XRCC4: variants seen among roughly 807,000 people sequenced by gnomAD.
The protein encoded by XRCC4 is DNA repair protein XRCC4.
In XRCC4, 28 loss-of-function variants were observed where a neutral mutation model predicts 39.1. The ratio of observed to expected loss-of-function variants is 0.72; its 90% CI spans 0.53 to 0.98. The LOEUF (loss-of-function observed/expected upper bound fraction) is 0.98, where lower values mean the gene tolerates loss of function less well. Among genes scored for constraint, XRCC4 ranks in the 50% least tolerant of loss-of-function variants. The probability of loss-of-function intolerance (pLI) is 0.00; values close to 1 mark genes in which losing one functional copy is unlikely to be tolerated. For missense variants in XRCC4, 350 were observed against 376.4 expected (o/e 0.93, Z 0.58); for synonymous variants, 123 against 126.4 (o/e 0.97, Z 0.18).
chr5:83,322,540 C>T (rs563568025), intron 7 of XRCC4, among the ~76,000 whole-genome samples: 4 of 152,096 alleles, frequency 2.6e-5, no homozygotes, highest in African/African-American at 4.8e-5. Flanking sequence ...GTGGAACATG[C>T]GAATGTTATC....
At chr5:83,194,941 T>G (rs1479886382) in intron 3 of XRCC4, among the ~76,000 whole-genome samples, 2 of 152,186 alleles carry the variant, frequency 1.3e-5, no homozygotes, top group African/African-American at 4.8e-5. Flanking sequence ...AGTTTATATT[T>G]TTGCTACACT....
At chr5:83,133,940 C>A (rs888993218) in intron 3 of XRCC4, among the ~76,000 whole-genome samples, 1 of 152,142 alleles carries the variant, frequency 6.6e-6, no homozygotes, top group Non-Finnish European at 1.5e-5. Flanking sequence ...GCTGGCGGGG[C>A]AGTGTGAAGA....
intron 6 of XRCC4, among the ~76,000 whole-genome samples, chr5:83,214,331 TAATA>T (rs775322130): frequency 7.9e-5 from 12 of 152,322 alleles, no homozygotes; most frequent in Admixed American, 4.6e-4. Flanking sequence ...CTCTTAGAGC[TAATA>T]AATTGACTCC....
intron 6 of XRCC4, among the ~76,000 whole-genome samples, chr5:83,252,367 CAGTCAT>C (rs1444019730): frequency 6.6e-6 from 1 of 151,758 alleles, no homozygotes; most frequent in Non-Finnish European, 1.5e-5. Context: ...CAGCCAAAAG[CAGTCAT>C]AGTAGACTGA....
rs571334558 is a variant in XRCC4, at chr5:83,158,621, A to C, written c.316-37149A>C. Among the ~76,000 whole-genome samples, 493 of 152,254 alleles carry C rather than the reference A, an allele frequency of 3.2e-3. 3 individuals carry two copies. The highest frequency in any genetic ancestry group is 5.1e-3 in the Non-Finnish European group (346 of 67,968). On this transcript the variant is annotated intron_variant, in intron 3 of 7. Transcript: ENST00000396027. ...TTCATGAATAGACAAAGACAATTTG[A>C]GGTTAGGCTTTCAAGATTCATAATA... is the stretch of plus-strand genomic sequence containing the variant.
chr5:83,331,405 G>A (rs1200292407), intron 7 of XRCC4, among the ~76,000 whole-genome samples: 1 of 152,044 alleles, frequency 6.6e-6, no homozygotes, highest in Admixed American at 6.6e-5. Context: ...TATGGTATTG[G>A]AGAGGAATTG....
intron 7 of XRCC4, among the ~76,000 whole-genome samples, chr5:83,325,222 C>T (rs1756211394): frequency 6.6e-6 from 1 of 151,972 alleles, no homozygotes; most frequent in Admixed American, 6.6e-5. Context: ...TCTCTTACTA[C>T]TTATAGGCAA....
chr5:83,371,847 C>T, the XRCC4 span, among the ~76,000 whole-genome samples: 1 of 152,154 alleles, frequency 6.6e-6, no homozygotes, highest in East Asian at 1.9e-4. Flanking sequence ...ACCAAAAAGG[C>T]AGACACACAC....
chr5:83,353,246 T>C lies in XRCC4; in HGVS notation c.*4T>C, dbSNP rs370493476. 1.7e-4 allele frequency: 263 copies of C among 1,574,832 alleles called. No individual in the cohort carries two copies. The highest frequency in any genetic ancestry group is 6.7e-4 in the Middle Eastern group (4 of 5,928). ...AGACCTCTTTGATGAGATTTAACAG[T>C]CTCAAAAAATACTTTGATGTTCACT... On this transcript the variant is annotated 3_prime_UTR_variant, in exon 8 of 8. Coordinates refer to ENST00000396027, the MANE Select transcript of XRCC4 (RefSeq NM_003401.5).
chr5:83,129,535 G>T (rs1206322223), intron 3 of XRCC4, among the ~76,000 whole-genome samples: 1 of 151,946 alleles, frequency 6.6e-6, no homozygotes, highest in Non-Finnish European at 1.5e-5. Flanking sequence ...AGCTTGGTGG[G>T]GATGGCATTG....
At chr5:83,328,034 A>G (rs1756320710) in intron 7 of XRCC4, among the ~76,000 whole-genome samples, 1 of 152,120 alleles carries the variant, frequency 6.6e-6, no homozygotes, top group Non-Finnish European at 1.5e-5. Context: ...TTGGGAAGAA[A>G]AAGAGGTTTA....
intron 3 of XRCC4, among the ~76,000 whole-genome samples, chr5:83,170,120 G>T (rs1418069410): frequency 6.6e-6 from 1 of 151,982 alleles, no homozygotes; most frequent in Non-Finnish European, 1.5e-5. Flanking sequence ...TTTGATTCAG[G>T]AATGACATGG....
intron 3 of XRCC4, among the ~76,000 whole-genome samples, chr5:83,144,267 CTGTGTGTGTGTGTGTGTG>C (rs56769195): frequency 3.6e-5 from 5 of 140,044 alleles, no homozygotes; most frequent in African/African-American, 5.2e-5. Context: ...TAATATTCCT[CTGTGTGTGTGTGTGTGTG>C]TGTGTGTGTG....
At chr5:83,254,549 CAAAT>C (rs1753455273) in intron 6 of XRCC4, among the ~76,000 whole-genome samples, 2 of 152,102 alleles carry the variant, frequency 1.3e-5, no homozygotes, top group Admixed American at 1.3e-4. Context: ...TTATTGCACT[CAAAT>C]ATATATATAA....
chr5:83,168,643 A>G (rs574638498), intron 3 of XRCC4, among the ~76,000 whole-genome samples: 49 of 152,316 alleles, frequency 3.2e-4, no homozygotes, highest in Non-Finnish European at 6.8e-4. Context: ...ATTCTCAACC[A>G]GAGACCAACA....
rs147864997 is a variant in XRCC4 at position 83,227,696 on chromosome 5, A to G, written c.745+22775A>G. ...TCTCACATAACAAGTTTGAACATGA[A>G]GGATTTTCATAGTTGGATAATTCAT... On this transcript the variant is annotated intron_variant, in intron 6 of 7. Transcript: ENST00000396027. 1.5e-4 allele frequency among the ~76,000 whole-genome samples: 23 copies of G among 152,188 alleles called. No homozygotes were observed. The East Asian group carries it at 4.4e-3, about 29-fold the overall frequency.
At chr5:83,078,901 C>T (rs1744806514) in intron 1 of XRCC4, among the ~76,000 whole-genome samples, 1 of 152,154 alleles carries the variant, frequency 6.6e-6, no homozygotes, top group African/African-American at 2.4e-5. Flanking sequence ...TTATATTATA[C>T]CTTTTAGGTC....
intron 1 of XRCC4, among the ~76,000 whole-genome samples, chr5:83,094,622 A>AT (rs1490231266): frequency 6.7e-6 from 1 of 149,336 alleles, no homozygotes; most frequent in Non-Finnish European, 1.5e-5. Context: ...CAAACTTTTC[A>AT]TTTTGTTCAT....
chr5:83,318,128 G>A (rs1755939376), intron 7 of XRCC4, among the ~76,000 whole-genome samples: 2 of 146,128 alleles, frequency 1.4e-5, no homozygotes, highest in Non-Finnish European at 2.9e-5. Flanking sequence ...AATAGTTGCA[G>A]AAAAAGCCTT....
Sources: gnomAD v4.1 joint callset for allele counts (sites outside exome capture counted in the v4.1 genomes callset) on GRCh38, gnomAD v4.1.1 for gene constraint, MANE v1.5 for transcripts, NCBI Gene and HGNC (gene_info 2026-07-23, HGNC 2026-07-21) for gene names.